ADAMTS19: variants seen among roughly 807,000 people sequenced by gnomAD.
ADAMTS19 encodes ADAM metallopeptidase with thrombospondin type 1 motif 19.
ADAMTS19 carries 93 observed loss-of-function variants against 153.3 expected under a neutral mutation model. The ratio of observed to expected loss-of-function variants is 0.61; its 90% CI spans 0.51 to 0.72. The LOEUF (loss-of-function observed/expected upper bound fraction) is 0.72. ADAMTS19 is among the 30% of genes least tolerant of loss of function. The pLI, the probability that ADAMTS19 is intolerant of heterozygous loss-of-function variation, is 0.00. For synonymous variants in ADAMTS19, 600 were observed against 556.6 expected, an observed-to-expected ratio of 1.08 and a Z score of -1.10; for missense variants, 1,482 against 1,552.1, an observed-to-expected ratio of 0.95 and a Z score of 0.76.
chr5:129,527,633 T>TAAAA (rs373626538), intron 4 of ADAMTS19, 115 bp from the exon 5 acceptor site: 2,058 of 164,946 alleles, frequency 0.012, 55 homozygotes, highest in African/African-American at 0.055. Flanking sequence ...TTTTTTTTTT[T>TAAAA]AAAAAAAAAA....
chr5:129,650,862 C>T (rs1394387994), intron 13 of ADAMTS19, among the ~76,000 whole-genome samples: 1 of 152,174 alleles, frequency 6.6e-6, no homozygotes, highest in East Asian at 1.9e-4. Context: ...CTGCCTATAT[C>T]CCAGCCCTTT....
intron 7 of ADAMTS19, among the ~76,000 whole-genome samples, chr5:129,587,408 T>C (rs1279499721): frequency 6.6e-6 from 1 of 152,148 alleles, no homozygotes; most frequent in Non-Finnish European, 1.5e-5. Flanking sequence ...TGTCGTGGTT[T>C]GTTCAAATTG....
At chr5:129,682,189 A>G (rs571638273) in intron 17 of ADAMTS19, among the ~76,000 whole-genome samples, 17 of 152,302 alleles carry the variant, frequency 1.1e-4, no homozygotes, top group South Asian at 4.1e-4. Flanking sequence ...TCAGTGAACT[A>G]TGTCTAAAAG....
At chr5:129,534,457 G>A (rs1423365453) in intron 6 of ADAMTS19, among the ~76,000 whole-genome samples, 1 of 152,062 alleles carries the variant, frequency 6.6e-6, no homozygotes, top group Non-Finnish European at 1.5e-5. Context: ...AAAAAATCCA[G>A]GACCAGAAGG....
chr5:129,474,273 A>G (rs1399116814), intron 2 of ADAMTS19, among the ~76,000 whole-genome samples: 1 of 152,090 alleles, frequency 6.6e-6, no homozygotes, highest in African/African-American at 2.4e-5. Flanking sequence ...CACTGTCCTG[A>G]AATACCACAT....
chr5:129,618,542 T>A (rs1248366856), intron 8 of ADAMTS19, among the ~76,000 whole-genome samples: 1 of 152,022 alleles, frequency 6.6e-6, no homozygotes, highest in African/African-American at 2.4e-5. Context: ...TTTAACAATT[T>A]TGATTCAAAC....
intron 15 of ADAMTS19, among the ~76,000 whole-genome samples, chr5:129,664,182 C>T (rs138305060): frequency 0.017 from 2,638 of 152,238 alleles, 77 homozygotes; most frequent in African/African-American, 0.06. Context: ...TTATAACCTT[C>T]AGCAGAGAAT....
At chr5:129,614,550 A>C (rs969569001) in intron 8 of ADAMTS19, among the ~76,000 whole-genome samples, 17 of 151,888 alleles carry the variant, frequency 1.1e-4, no homozygotes, top group Non-Finnish European at 1.9e-4. Context: ...ATAATAAGAG[A>C]TATTTATGAC....
chr5:129,497,358 C>T (rs1750957834), intron 2 of ADAMTS19, among the ~76,000 whole-genome samples: 1 of 152,022 alleles, frequency 6.6e-6, no homozygotes, highest in African/African-American at 2.4e-5. Context: ...TCTGTTCTTT[C>T]TCTATCCTCT....
At chr5:129,492,303 G>A (rs1413463646) in intron 2 of ADAMTS19, among the ~76,000 whole-genome samples, 1 of 152,124 alleles carries the variant, frequency 6.6e-6, no homozygotes, top group East Asian at 1.9e-4. Flanking sequence ...CTGACCCCAT[G>A]ATCCAGTTGC....
chr5:129,562,666 TGA>T (rs71768993), intron 7 of ADAMTS19, among the ~76,000 whole-genome samples: 206 of 152,244 alleles, frequency 1.4e-3, no homozygotes, highest in African/African-American at 4.7e-3. Flanking sequence ...ACGTGTTTCA[TGA>T]GACTTTTTAA....
intron 7 of ADAMTS19, among the ~76,000 whole-genome samples, chr5:129,578,430 A>G (rs1475803312): frequency 6.7e-6 from 1 of 150,074 alleles, no homozygotes. Context: ...ATATACCTAT[A>G]TGCATGTATA....
Position 129,512,943 on chromosome 5 carries a change from G to A in ADAMTS19, c.913+3701G>A, listed in dbSNP as rs114045638. Among the ~76,000 whole-genome samples the A allele has an allele frequency of 4.5e-3, 678 of 151,544 alleles. 1 individual carries two copies. Among genetic ancestry groups the A allele is most frequent in the Non-Finnish European group, 6.9e-3 (469 of 67,852 alleles). On this transcript the variant is annotated intron_variant, in intron 3 of 22. Coordinates refer to ENST00000274487, the MANE Select transcript of ADAMTS19 (RefSeq NM_133638.6). Reference sequence around the variant, plus strand: ...CTTCCTGTTCCACCTACTTTCCCAGGTTGATATAATCCGAAGCCAATGTGG... The same window carrying A: ...CTTCCTGTTCCACCTACTTTCCCAGATTGATATAATCCGAAGCCAATGTGG...
At chr5:129,651,333 C>T (rs747957394) in intron 13 of ADAMTS19, among the ~76,000 whole-genome samples, 2 of 152,156 alleles carry the variant, frequency 1.3e-5, no homozygotes, top group Non-Finnish European at 2.9e-5. Context: ...TATTCATGTC[C>T]ATTTGATCCT....
chr5:129,607,883 C>G (rs1750981616), intron 8 of ADAMTS19, among the ~76,000 whole-genome samples: 1 of 150,810 alleles, frequency 6.6e-6, no homozygotes, highest in Admixed American at 6.6e-5. Flanking sequence ...CAACCTGCAT[C>G]TGTTAACAGA....
intron 2 of ADAMTS19, among the ~76,000 whole-genome samples, chr5:129,499,136 G>GTTA (rs1751020289): frequency 1.3e-5 from 2 of 152,108 alleles, no homozygotes; most frequent in Admixed American, 1.3e-4. Context: ...TATTTAACAT[G>GTTA]TTATTTCTCT....
chr5:129,606,562 G>T (rs1442075664), intron 8 of ADAMTS19, among the ~76,000 whole-genome samples: 1 of 152,160 alleles, frequency 6.6e-6, no homozygotes, highest in African/African-American at 2.4e-5. Context: ...CACACATTAA[G>T]ATTCAGCTTC....
At chr5:129,702,270 A>T (rs943329218) in intron 20 of ADAMTS19, among the ~76,000 whole-genome samples, 1 of 152,216 alleles carries the variant, frequency 6.6e-6, no homozygotes, top group African/African-American at 2.4e-5. Flanking sequence ...AATGGCACTC[A>T]TGACTTACAC....
chr5:129,660,949 C>T (rs928164294), intron 15 of ADAMTS19, among the ~76,000 whole-genome samples: 2 of 152,138 alleles, frequency 1.3e-5, no homozygotes, highest in Admixed American at 6.6e-5. Context: ...ACTGACCATA[C>T]CCCCACTGCC....
Sources: gnomAD v4.1 joint callset for allele counts (sites outside exome capture counted in the v4.1 genomes callset) on GRCh38, gnomAD v4.1.1 for gene constraint, MANE v1.5 for transcripts, NCBI Gene and HGNC (gene_info 2026-07-23, HGNC 2026-07-21) for gene names.